The following UGGT1 variants were observed in gnomAD, a reference collection of about 807,000 sequenced individuals.
UGGT1 encodes UDP-glucose glycoprotein glucosyltransferase 1, also known as UDP-glucose:glycoprotein glucosyltransferase 1.
In UGGT1, 107 loss-of-function variants were observed where a neutral mutation model predicts 203.9. The observed-to-expected ratio is 0.52, with a 90% confidence interval of 0.45 to 0.62. The LOEUF (loss-of-function observed/expected upper bound fraction) is 0.62. Ranked by LOEUF, UGGT1 falls within the 20% of genes least tolerant of loss-of-function variation. The pLI, the probability that UGGT1 is intolerant of heterozygous loss-of-function variation, is 0.00. For synonymous variants in UGGT1, 628 were observed against 653.5 expected (o/e 0.96, Z 0.59); for missense variants, 1,673 against 1,867.2 (o/e 0.90, Z 1.92).
chr2:128,188,802 C>G (rs1246210204), intron 40 of UGGT1, among the ~76,000 whole-genome samples: 6 of 152,320 alleles, frequency 3.9e-5, no homozygotes, highest in South Asian at 2.1e-4. Flanking sequence ...TGTGACCAAG[C>G]AAGACCCTGT....
At chr2:128,142,532 C>T (rs1434297103) in intron 16 of UGGT1, among the ~76,000 whole-genome samples, 6 of 149,474 alleles carry the variant, frequency 4.0e-5, no homozygotes, top group Non-Finnish European at 7.4e-5. Flanking sequence ...TTGTAGTGAG[C>T]CAAGATTGTG....
At chr2:128,186,308 T>C (rs1691979776) in intron 38 of UGGT1, among the ~76,000 whole-genome samples, 1 of 152,196 alleles carries the variant, frequency 6.6e-6, no homozygotes, top group African/African-American at 2.4e-5. Context: ...TTCTATACGT[T>C]TGTCTCCACA....
chr2:128,127,586 G>A (rs1212654434), intron 12 of UGGT1, 134 bp downstream of exon 12: 2 of 644,064 alleles, frequency 3.1e-6, no homozygotes, highest in East Asian at 2.8e-5. Flanking sequence ...CTGGGTGGAC[G>A]TAGGTAGTAG....
chr2:128,170,265 G>A (rs1168620212), intron 26 of UGGT1, 23 bp from the exon 27 acceptor site: 1 of 1,608,140 alleles, frequency 6.2e-7, no homozygotes, highest in Admixed American at 1.7e-5. Flanking sequence ...CCAGGTTAAT[G>A]TTTTATCCTT....
At chr2:128,138,619 G>A in intron 15 of UGGT1, 98 bp from the exon 16 acceptor site, 1 of 1,401,804 alleles carries the variant, frequency 7.1e-7, no homozygotes, top group African/African-American at 1.4e-5. Flanking sequence ...GTTTTCCTCT[G>A]TTAGCTATAA....
chr2:128,165,472 C>A (rs773569627), intron 26 of UGGT1, among the ~76,000 whole-genome samples: 17 of 152,088 alleles, frequency 1.1e-4, no homozygotes, highest in Non-Finnish European at 1.9e-4. Flanking sequence ...CTGAGGCCAG[C>A]GGATCACCTG....
intron 18 of UGGT1, among the ~76,000 whole-genome samples, chr2:128,146,279 C>G (rs934864356): frequency 3.3e-5 from 5 of 151,886 alleles, no homozygotes; most frequent in Non-Finnish European, 5.9e-5. Flanking sequence ...CCACTGTACC[C>G]CAGCCTGGGT....
At chr2:128,133,305 G>GT in intron 14 of UGGT1, 45 bp downstream of exon 14, 1 of 1,478,310 alleles carries the variant, frequency 6.8e-7, no homozygotes, top group Non-Finnish European at 8.9e-7. Flanking sequence ...TTTCTCCCTT[G>GT]CCTAGTCCCT....
At chr2:128,165,875 C>T (rs1437178800) in intron 26 of UGGT1, among the ~76,000 whole-genome samples, 1 of 152,104 alleles carries the variant, frequency 6.6e-6, no homozygotes, top group East Asian at 1.9e-4. Context: ...GATCTTCCTA[C>T]CTCAACCTCC....
At chr2:128,167,592 T>G (rs1217649698) in intron 26 of UGGT1, among the ~76,000 whole-genome samples, 1 of 152,216 alleles carries the variant, frequency 6.6e-6, no homozygotes, top group Non-Finnish European at 1.5e-5. Context: ...CCCGTGTGCA[T>G]TCATGCTACT....
chr2:128,091,397 G>T lies in UGGT1; in HGVS notation c.40G>T (p.Gly14Cys). 1 of 1,579,794 alleles carries T rather than the reference G, an allele frequency of 6.3e-7. No individual in the cohort carries two copies. Among genetic ancestry groups the T allele is most frequent in the Non-Finnish European group, 8.6e-7 (1 of 1,162,926 alleles). The part of the protein sequence containing the change: ...KGDASGACAA[G>C]ALPVTGVCYK... ...AGACGCGAGCGGTGCGTGTGCCGCG[G>T]GTGCGCTGCCGGTGACAGGTACCCA... Residue 14 changes from glycine (G) to cysteine (C), a missense_variant, in exon 1 of 41, where the codon GGT becomes TGT. Physicochemically the swap from Gly to Cys is radical, Grantham distance 159. Coordinates refer to ENST00000259253, the MANE Select transcript of UGGT1 (RefSeq NM_020120.4).
At chr2:128,099,422 G>C (rs1687264535) in intron 2 of UGGT1, among the ~76,000 whole-genome samples, 2 of 152,174 alleles carry the variant, frequency 1.3e-5, no homozygotes, top group South Asian at 4.1e-4. Flanking sequence ...GGAATTACAG[G>C]TGTGAGCCAC....
Position 128,112,164 on chromosome 2 carries a change from T to A in UGGT1, c.522-920T>A, listed in dbSNP as rs183394967. 5.2e-3 allele frequency among the ~76,000 whole-genome samples: 787 copies of A among 150,754 alleles called. 12 individuals are homozygous for A. The highest frequency in any genetic ancestry group is 0.017 in the African/African-American group (694 of 41,060). ...GGCCAGGCCTGGTGGCTTTTGCCTGTAATGCCAGCACTTTGGGAAGCTGAG... is the reference window on the plus strand; with the variant it reads ...GGCCAGGCCTGGTGGCTTTTGCCTGAAATGCCAGCACTTTGGGAAGCTGAG... On this transcript the variant is annotated intron_variant, in intron 5 of 40. Transcript: ENST00000259253.
In UGGT1 at chr2:128,159,408, T is replaced by G; in HGVS notation, c.2356-106T>G. On this transcript the variant is annotated intron_variant, in intron 22 of 40. Coordinates refer to ENST00000259253, the MANE Select transcript of UGGT1 (RefSeq NM_020120.4). ...GCCACTGCGCCCGGCCTGAGACTTTTAAGAGAGATATTATTTGCTACTTAT... is the reference window on the plus strand; with the variant it reads ...GCCACTGCGCCCGGCCTGAGACTTTGAAGAGAGATATTATTTGCTACTTAT... 5.4e-6 allele frequency: 6 copies of G among 1,110,892 alleles called. 1 individual carries two copies. The South Asian group carries it at 8.7e-5, about 16-fold the overall frequency. The allele number at this position is 1,110,892 out of a possible 1,614,324, so 68.8% of individuals were successfully genotyped here.
intron 16 of UGGT1, chr2:128,140,417 C>T (rs565811087): frequency 1.3e-5 from 2 of 152,528 alleles, no homozygotes; most frequent in South Asian, 2.1e-4. Context: ...AACACCAGCA[C>T]ACTGCTGTGG....
In UGGT1 at chr2:128,190,689, T is replaced by TC. The variant is rs1692217750; in HGVS notation, c.*950dup. The TC allele has an allele frequency of 6.6e-6, 1 of 152,266 alleles. No individual in the cohort carries two copies. The highest frequency in any genetic ancestry group is 1.5e-5 in the Non-Finnish European group (1 of 68,116). The allele number at this position is 152,266 out of a possible 1,614,324, so 9.4% of individuals were successfully genotyped here. A position where few individuals can be genotyped will look rare whatever the true frequency, so the allele number is the denominator to read the frequency against. On this transcript the variant is annotated 3_prime_UTR_variant, in exon 41 of 41. Transcript: ENST00000259253. ...GTCAGGGTCAGGGTCAGGGTCAGGCTCCCTCAAGACGAGCACCGCATTGTC... is the reference window on the plus strand; with the variant it reads ...GTCAGGGTCAGGGTCAGGGTCAGGCTCCCCTCAAGACGAGCACCGCATTGTC...
intron 13 of UGGT1, among the ~76,000 whole-genome samples, chr2:128,131,233 CAAAAAAA>C (rs59665322): frequency 3.8e-5 from 3 of 78,556 alleles, no homozygotes; most frequent in South Asian, 4.9e-4. Flanking sequence ...ACTCTTGTCT[CAAAAAAA>C]AAAAAAAAAA....
intron 24 of UGGT1, 40 bp from the exon 25 acceptor site, chr2:128,161,098 G>T (rs1321385758): frequency 1.9e-6 from 3 of 1,608,136 alleles, no homozygotes; most frequent in Middle Eastern, 3.3e-4. Context: ...AGTGCAGGCA[G>T]CCTTCCAGAG....
intron 15 of UGGT1, among the ~76,000 whole-genome samples, chr2:128,136,568 A>G (rs1461757335): frequency 6.6e-6 from 1 of 152,196 alleles, no homozygotes; most frequent in Non-Finnish European, 1.5e-5. Flanking sequence ...ACTGGATAAT[A>G]GTCATTATGT....
Sources: gnomAD v4.1 joint callset for allele counts (sites outside exome capture counted in the v4.1 genomes callset) on GRCh38, gnomAD v4.1.1 for gene constraint, MANE v1.5 for transcripts, NCBI Gene and HGNC (gene_info 2026-07-23, HGNC 2026-07-21) for gene names.